ANO4: variants seen among roughly 807,000 people sequenced by gnomAD.
ANO4 encodes the protein anoctamin 4.
Under a neutral mutation model 141.9 loss-of-function variants are expected in ANO4, and 69 were observed. The observed-to-expected ratio is 0.49, with a 90% CI of 0.40 to 0.59. The LOEUF is 0.59. Ranked by LOEUF, ANO4 falls within the 20% of genes least tolerant of loss-of-function variation. The pLI is 0.00. For synonymous variants in ANO4, 350 were observed against 394.3 expected, an observed-to-expected ratio of 0.89 and a Z score of 1.33; for missense variants, 894 against 1,162.2, an observed-to-expected ratio of 0.77 and a Z score of 3.36.
intron 15 of ANO4, among the ~76,000 whole-genome samples, chr12:101,080,886 T>TAAA (rs1469769311): frequency 3.0e-5 from 4 of 131,382 alleles, no homozygotes; most frequent in Middle Eastern, 3.7e-3. Context: ...ATATATATTA[T>TAAA]ATATATATAT....
At chr12:100,907,374 A>G (rs1012213243) in intron 2 of ANO4, among the ~76,000 whole-genome samples, 2 of 152,146 alleles carry the variant, frequency 1.3e-5, no homozygotes, top group East Asian at 1.9e-4. Flanking sequence ...ATTCCTCAAA[A>G]TGTAACTCAA....
intron 2 of ANO4, among the ~76,000 whole-genome samples, chr12:100,906,407 G>A (rs1425694922): frequency 6.6e-6 from 1 of 152,016 alleles, no homozygotes; most frequent in Non-Finnish European, 1.5e-5. Flanking sequence ...TAAGAGAGGT[G>A]GTAAGAGAAT....
chr12:100,989,975 A>AGATGGATGGATGGATGGATGGATG (rs58082088), intron 8 of ANO4, among the ~76,000 whole-genome samples: 1 of 131,752 alleles, frequency 7.6e-6, no homozygotes, highest in Non-Finnish European at 1.6e-5. Flanking sequence ...ATAGGTCACC[A>AGATGGATGGATGGATGGATGGATG]GATGGATGGA....
At chr12:100,932,865 A>G (rs12305459) in intron 3 of ANO4, among the ~76,000 whole-genome samples, 3,342 of 152,158 alleles carry the variant, frequency 0.022, 129 homozygotes, top group African/African-American at 0.076. Context: ...CTCGTTGTTC[A>G]GTTATAATAT....
intron 1 of ANO4, among the ~76,000 whole-genome samples, chr12:100,879,442 G>T (rs1276464332): frequency 6.6e-6 from 1 of 152,094 alleles, no homozygotes; most frequent in Admixed American, 6.6e-5. Context: ...AAATCTAATT[G>T]TTGTTTCTCT....
At chr12:101,020,474 C>T (rs1009855286) in intron 9 of ANO4, among the ~76,000 whole-genome samples, 21 of 152,070 alleles carry the variant, frequency 1.4e-4, no homozygotes, top group Non-Finnish European at 1.5e-5. Flanking sequence ...GACAATAAAC[C>T]AATAAGTAAA....
chr12:101,030,734 G>A (rs2046940645), intron 9 of ANO4, among the ~76,000 whole-genome samples: 1 of 151,936 alleles, frequency 6.6e-6, no homozygotes, highest in South Asian at 2.1e-4. Flanking sequence ...AAGAAGAAAA[G>A]AGAGAAGAAT....
At chr12:100,875,040 A>G (rs929235305) in intron 1 of ANO4, among the ~76,000 whole-genome samples, 2 of 152,288 alleles carry the variant, frequency 1.3e-5, no homozygotes, top group East Asian at 1.9e-4. Flanking sequence ...TGAATTAATG[A>G]TGAAATGAGT....
At chr12:101,010,314 A>T (rs1028700091) in intron 8 of ANO4, among the ~76,000 whole-genome samples, 4 of 152,190 alleles carry the variant, frequency 2.6e-5, no homozygotes, top group African/African-American at 9.7e-5. Flanking sequence ...ATTTGTATTT[A>T]ACACTTAGAT....
At chr12:101,039,892 C>T in intron 10 of ANO4, 63 bp from the exon 11 acceptor site, 1 of 1,541,192 alleles carries the variant, frequency 6.5e-7, no homozygotes, top group Admixed American at 1.8e-5. Context: ...CTTACATTAC[C>T]ATCAGCATTT....
chr12:100,964,467 AT>A (rs5800445), intron 5 of ANO4, among the ~76,000 whole-genome samples: 30,191 of 151,952 alleles, frequency 0.2, 3,132 homozygotes, highest in Middle Eastern at 0.33. Context: ...ATTCACTATG[AT>A]TTTTTTTAAT....
At chr12:100,765,811 AC>A (rs1170865959) in intron 3 of ANO4, among the ~76,000 whole-genome samples, 1 of 151,696 alleles carries the variant, frequency 6.6e-6, no homozygotes, top group Non-Finnish European at 1.5e-5. Context: ...ATATATGAAT[AC>A]ATTGTAGAAG....
At chr12:100,767,215 A>G (rs60755444) in intron 3 of ANO4, among the ~76,000 whole-genome samples, 24,110 of 152,146 alleles carry the variant, frequency 0.16, 2,098 homozygotes, top group Non-Finnish European at 0.19. Flanking sequence ...AATTATTGAT[A>G]GGTAAGGACT....
chr12:100,998,123 C>T (rs992924697), intron 8 of ANO4, among the ~76,000 whole-genome samples: 7 of 152,120 alleles, frequency 4.6e-5, no homozygotes, highest in African/African-American at 1.7e-4. Flanking sequence ...AAGGCAGACC[C>T]ACCCTTAATC....
intron 14 of ANO4, among the ~76,000 whole-genome samples, chr12:101,077,077 A>G (rs764719872): frequency 6.6e-6 from 1 of 152,198 alleles, no homozygotes; most frequent in Non-Finnish European, 1.5e-5. Flanking sequence ...TGTGCCAACA[A>G]TACAATTTAT....
At chr12:101,000,019 A>G (rs1439458202) in intron 8 of ANO4, among the ~76,000 whole-genome samples, 1 of 150,518 alleles carries the variant, frequency 6.6e-6, no homozygotes, top group African/African-American at 2.4e-5. Flanking sequence ...ACTGCACTCC[A>G]GTCTGGGCAA....
At chr12:100,864,012 C>A (rs972443273) in intron 1 of ANO4, among the ~76,000 whole-genome samples, 13 of 152,172 alleles carry the variant, frequency 8.5e-5, no homozygotes, top group African/African-American at 2.9e-4. Flanking sequence ...TTATTCCAAT[C>A]TGTTTTCCAT....
At chr12:101,028,026 C>T (rs577875527) in intron 9 of ANO4, among the ~76,000 whole-genome samples, 9 of 152,002 alleles carry the variant, frequency 5.9e-5, no homozygotes, top group South Asian at 4.2e-4. Context: ...GGTGCGGGAG[C>T]GAACCAGATA....
chr12:100,752,615 T>G (rs1002991205), intron 3 of ANO4, among the ~76,000 whole-genome samples: 5 of 152,110 alleles, frequency 3.3e-5, no homozygotes, highest in African/African-American at 4.8e-5. Flanking sequence ...TTAATGTGTG[T>G]GTGTGTGAGG....
Sources: allele counts gnomAD v4.1 joint callset (sites outside exome capture counted in the v4.1 genomes callset), GRCh38; gene constraint gnomAD v4.1.1; transcripts MANE v1.5; gene names NCBI Gene and HGNC (gene_info 2026-07-23, HGNC 2026-07-21).